The following EPB41L4A variants were observed in gnomAD, a reference collection of about 807,000 sequenced individuals.
The protein encoded by EPB41L4A is band 4.1-like protein 4A.
In EPB41L4A, 100 loss-of-function variants were observed where a neutral mutation model predicts 108.6. The observed-to-expected ratio is 0.92, with a 90% CI of 0.78 to 1.09. The LOEUF (loss-of-function observed/expected upper bound fraction) is 1.09, where lower values mean the gene tolerates loss of function less well. Ranked by LOEUF, EPB41L4A falls within the 50% of genes least tolerant of loss-of-function variation. The probability of loss-of-function intolerance (pLI) is 0.00; values close to 1 mark genes in which losing one functional copy is unlikely to be tolerated. For missense variants in EPB41L4A, 1,030 were observed against 842.7 expected (o/e 1.22, Z -2.75); for synonymous variants, 319 against 289.0 (o/e 1.10, Z -1.05).
chr5:112,159,312 C>G (rs148142891), downstream of EPB41L4A, among the ~76,000 whole-genome samples: 1 of 152,126 alleles, frequency 6.6e-6, no homozygotes, highest in Non-Finnish European at 1.5e-5. Context: ...AAAGAAACAA[C>G]GAAAGGTGCT....
At chr5:112,351,063 A>G (rs1758011155) in intron 1 of EPB41L4A, among the ~76,000 whole-genome samples, 1 of 152,190 alleles carries the variant, frequency 6.6e-6, no homozygotes, top group Non-Finnish European at 1.5e-5. Context: ...GGAAGAGAAA[A>G]ATCTCCAAGG....
At chr5:112,174,235 T>C (rs540018648) in intron 18 of EPB41L4A, among the ~76,000 whole-genome samples, 1 of 152,334 alleles carries the variant, frequency 6.6e-6, no homozygotes, top group Admixed American at 6.5e-5. Context: ...TATGCTTACA[T>C]CTGCACACAC....
intron 2 of EPB41L4A, among the ~76,000 whole-genome samples, chr5:112,302,595 A>T (rs1754434970): frequency 6.6e-6 from 1 of 152,168 alleles, no homozygotes; most frequent in Non-Finnish European, 1.5e-5. Context: ...CACTTTATAA[A>T]CAGAGGAACT....
At chr5:112,196,219 C>A (rs1761959546) in intron 15 of EPB41L4A, among the ~76,000 whole-genome samples, 1 of 152,160 alleles carries the variant, frequency 6.6e-6, no homozygotes, top group Non-Finnish European at 1.5e-5. Context: ...TACTTTCAAA[C>A]AGCTTCAATG....
intron 1 of EPB41L4A, among the ~76,000 whole-genome samples, chr5:112,407,455 T>C (rs1762138238): frequency 1.3e-5 from 2 of 152,152 alleles, no homozygotes; most frequent in African/African-American, 4.8e-5. Context: ...GTGGGAAGGG[T>C]GTGTGTGTTT....
intron 15 of EPB41L4A, among the ~76,000 whole-genome samples, chr5:112,199,919 C>A (rs916724793): frequency 1.3e-5 from 2 of 152,204 alleles, no homozygotes; most frequent in African/African-American, 2.4e-5. Context: ...GCTGCCTGGT[C>A]TTCTGCTACT....
At chr5:112,315,201 T>C (rs1050555417) in intron 1 of EPB41L4A, among the ~76,000 whole-genome samples, 1 of 152,194 alleles carries the variant, frequency 6.6e-6, no homozygotes, top group African/African-American at 2.4e-5. Context: ...CCTCTCAATC[T>C]CATTATGACC....
intron 1 of EPB41L4A, among the ~76,000 whole-genome samples, chr5:112,360,543 G>A (rs1465783473): frequency 1.3e-5 from 2 of 152,208 alleles, no homozygotes; most frequent in Non-Finnish European, 2.9e-5. Flanking sequence ...CCGAGGTGCC[G>A]GGATTGCAGA....
rs1392999650 is a variant in EPB41L4A, at chr5:112,155,775, A to T, written n.994+2626T>A. Among the ~76,000 whole-genome samples the T allele has an allele frequency of 2.0e-5, 3 of 152,204 alleles. No homozygotes were observed. In the East Asian group the frequency reaches 5.8e-4, roughly 29 times the overall value. ...ATTTGGGGGCCAGGAAGCAAATTTA[A>T]TATAGGTTTACCATATTTTACTTAC... On this transcript the variant is annotated intron_variant and non_coding_transcript_variant, in intron 12 of 13. Transcript: ENST00000507810.
At chr5:112,189,147 A>G (rs927415108) in intron 17 of EPB41L4A, among the ~76,000 whole-genome samples, 3 of 152,240 alleles carry the variant, frequency 2.0e-5, no homozygotes, top group African/African-American at 7.2e-5. Context: ...TGCCAGAACA[A>G]ACTCATGTTA....
chr5:112,305,886 T>A (rs1435605073), intron 2 of EPB41L4A, among the ~76,000 whole-genome samples: 1 of 152,156 alleles, frequency 6.6e-6, no homozygotes, highest in African/African-American at 2.4e-5. Context: ...CTATGATAAA[T>A]GCCAAACCTT....
intron 12 of EPB41L4A, among the ~76,000 whole-genome samples, chr5:112,219,056 T>C (rs1329968194): frequency 3.9e-5 from 6 of 152,232 alleles, no homozygotes; most frequent in Non-Finnish European, 7.3e-5. Flanking sequence ...ATAAATTTCA[T>C]CACATTCTTT....
intron 18 of EPB41L4A, among the ~76,000 whole-genome samples, chr5:112,172,899 T>C (rs1760664324): frequency 6.6e-6 from 1 of 152,352 alleles, no homozygotes; most frequent in Admixed American, 6.5e-5. Flanking sequence ...TGACATTTTC[T>C]ATACTAATTC....
intron 8 of EPB41L4A, 98 bp from the exon 9 acceptor site, chr5:112,259,390 C>A (rs1345113979): frequency 2.1e-6 from 2 of 932,256 alleles, no homozygotes; most frequent in African/African-American, 1.6e-5. Flanking sequence ...TGAATACTGG[C>A]TCCTTTATAT....
intron 1 of EPB41L4A, chr5:112,363,711 C>T (rs1382342759): frequency 1.3e-5 from 2 of 150,028 alleles, no homozygotes; most frequent in African/African-American, 4.9e-5. Context: ...CCATCACTTA[C>T]CATTTGATGA....
At chr5:112,291,532 C>G (rs992732175) in intron 2 of EPB41L4A, among the ~76,000 whole-genome samples, 3 of 152,208 alleles carry the variant, frequency 2.0e-5, no homozygotes, top group Non-Finnish European at 1.5e-5. Context: ...AAGTCTCTCT[C>G]CTGCCCTCCT....
At chr5:112,296,760 C>A (rs1366696561) in intron 2 of EPB41L4A, among the ~76,000 whole-genome samples, 1 of 152,078 alleles carries the variant, frequency 6.6e-6, no homozygotes, top group Non-Finnish European at 1.5e-5. Flanking sequence ...CACCCCCTTC[C>A]TACCCCTTCC....
intron 18 of EPB41L4A, chr5:112,175,261 T>C (rs1401775883): frequency 6.6e-6 from 1 of 152,172 alleles, no homozygotes. Context: ...CTTCCAAATA[T>C]CCCACTGAGT....
chr5:112,211,270 C>A (rs574471733), intron 12 of EPB41L4A, among the ~76,000 whole-genome samples: 2 of 152,044 alleles, frequency 1.3e-5, no homozygotes, highest in Admixed American at 6.6e-5. Flanking sequence ...TAGGAGTCAA[C>A]TGGGAGAGAC....
Sources: allele counts gnomAD v4.1 joint callset (sites outside exome capture counted in the v4.1 genomes callset), GRCh38; gene constraint gnomAD v4.1.1; transcripts MANE v1.5; gene names NCBI Gene and HGNC (gene_info 2026-07-23, HGNC 2026-07-21).